Variants in PNCK observed in about 807,000 individuals in gnomAD.
PNCK encodes the protein calcium/calmodulin-dependent protein kinase type 1B.
In PNCK, 21 loss-of-function variants were observed where a neutral mutation model predicts 28.3. The ratio of observed to expected loss-of-function variants is 0.74; its 90% CI spans 0.53 to 1.07. The LOEUF (loss-of-function observed/expected upper bound fraction) is 1.07, where lower values mean the gene tolerates loss of function less well. Ranked by LOEUF, PNCK falls within the 50% of genes least tolerant of loss-of-function variation. PNCK has a pLI of 0.00. For synonymous variants in PNCK, 136 were observed against 125.2 expected, an observed-to-expected ratio of 1.09 and a Z score of -0.58; for missense variants, 250 against 298.3, an observed-to-expected ratio of 0.84 and a Z score of 1.19.
rs934422979 is a variant in PNCK, at chrX:153,671,980, C to A, written c.314G>T (p.Arg105Leu). ...GGELFDRIME[R>L]GSYTEKDASH... ...GGCATCCTTCTCTGTGTAGGAGCCG[C>A]GCTCCATGATGCGGTCAAACAGCTC... Residue 105 changes from arginine to leucine, a missense_variant, in exon 5 of 12, where the codon CGC (arginine) becomes CTC (leucine). Arg to Leu is a moderately radical substitution (Grantham distance 102, BLOSUM62 -2). Transcript: ENST00000340888. 4.1e-6 allele frequency: 5 copies of A among 1,211,058 alleles called. No individual in the cohort carries two copies. The highest frequency in any genetic ancestry group is 4.3e-5 in the Admixed American group (2 of 46,098).
At chrX:153,683,206 G>A (rs1259128276) in intron 1 of PNCK, among the ~76,000 whole-genome samples, 2 of 108,308 alleles carry the variant, frequency 1.8e-5, no homozygotes, top group Non-Finnish European at 3.8e-5. Context: ...AGTGGCATGA[G>A]CTAGGCTCAC....
chrX:153,670,950 C>G lies in PNCK; in HGVS notation c.774G>C (p.Arg258Ser). The change falls in exon 9 of 12, where the codon AGG (arginine) becomes AGC (serine). Residue 258 changes from arginine to serine, a missense_variant. By Grantham distance (110) the Arg-to-Ser change is moderately radical (BLOSUM62 -1). Transcript: ENST00000340888. The stretch of plus-strand genomic sequence containing the variant: ...GCCGCAAGGCCTGTTGGCAGGTGAA[C>G]CTCTTCTGGGGGTCTCGCTCCAGAA... ...RHLLERDPQK[R>S]FTCQQALRHL... The G allele has an allele frequency of 8.2e-7, 1 of 1,212,199 alleles. No individual in the cohort carries two copies. The highest frequency in any genetic ancestry group is 1.1e-6 in the Non-Finnish European group (1 of 895,579).
rs113803746 is a variant in PNCK, at chrX:153,680,934, T to A, written c.-3+6497A>T. On this transcript the variant is annotated intron_variant, in intron 1 of 3. Transcript: ENST00000419804. The stretch of plus-strand genomic sequence containing the variant: ...GTCCCAGCTACTTGGGGGGCTGAAG[T>A]GGGAGAATTGCTTTAGCCCAGGAGG... Among the ~76,000 whole-genome samples the A allele has an allele frequency of 3.7e-3, 360 of 98,260 alleles. 3 individuals carry two copies. Among genetic ancestry groups the A allele is most frequent in the African/African-American group, 0.013 (337 of 25,554 alleles). The allele number at this position is 98,260 out of a possible 115,157, so 85.3% of individuals were successfully genotyped here.
intron 1 of PNCK, among the ~76,000 whole-genome samples, chrX:153,681,229 G>A (rs1373349840): frequency 9.0e-6 from 1 of 111,616 alleles, no homozygotes; most frequent in Non-Finnish European, 1.9e-5. Flanking sequence ...CAACACTCCT[G>A]CACAGAACAA....
Position 153,672,033 on chromosome X carries a change from G to A in PNCK, c.276-15C>T, listed in dbSNP as rs182696830. 1,582 of 1,206,656 alleles carry A rather than the reference G, an allele frequency of 1.3e-3. 15 individuals carry two copies. The African/African-American group carries it at 0.024, about 19-fold the overall frequency. ...CACCCGTCACCCTGGGGGTGCCAGG[G>A]GTTTGGCTGACCCAGGCACTCAGCC... is the stretch of plus-strand genomic sequence containing the variant. On this transcript the variant is annotated splice_polypyrimidine_tract_variant and intron_variant, in intron 4 of 11. Transcript: ENST00000340888.
At chrX:153,672,838 C>T (rs1603203757) in intron 2 of PNCK, 141 bp from the exon 3 acceptor site, 1 of 924,910 alleles carries the variant, frequency 1.1e-6, no homozygotes, top group Non-Finnish European at 1.5e-6. Flanking sequence ...CCCACCACCA[C>T]TCACACATGC....
At position 153,669,754 on chromosome X, in the gene PNCK, G is replaced by T; in HGVS notation, c.*384C>A. ...CCCATTGCTGTATCTTTCTTTATTG[G>T]TTTGGGGAAAACTGGAGGGGGCTGG... is the stretch of plus-strand genomic sequence containing the variant. On this transcript the variant is annotated 3_prime_UTR_variant, in exon 12 of 12. Coordinates refer to ENST00000340888, the MANE Select transcript of PNCK (RefSeq NM_001366977.1). The T allele has an allele frequency of 2.9e-6, 1 of 342,683 alleles. No individual in the cohort carries two copies. Among genetic ancestry groups the T allele is most frequent in the East Asian group, 9.7e-5 (1 of 10,329 alleles). 28.2% of individuals were successfully genotyped at this position (342,683 alleles called of 1,213,427 possible).
At position 153,670,757 on chromosome X, in the gene PNCK, C is replaced by T. The variant is rs782789099; in HGVS notation, c.881G>A (p.Arg294Gln). The T allele has an allele frequency of 1.5e-5, 18 of 1,208,007 alleles. No individual in the cohort carries two copies. The East Asian group carries it at 3.0e-4, about 20-fold the overall frequency. Residue 294 changes from arginine (R) to glutamine (Q), a missense_variant, in exon 10 of 12, where the codon CGG becomes CAG. Transcript: ENST00000340888. ...VSEQIRKNFA[R>Q]THWKRAFNAT... ...CTCCACACTGACCTTCCAGTGTGTC[C>T]GAGCAAAGTTCTTCCGGATCTGCTC...
At chrX:153,671,731 G>A (rs2091303422) in intron 5 of PNCK, 59 bp from the exon 6 acceptor site, 1 of 1,165,556 alleles carries the variant, frequency 8.6e-7, no homozygotes, top group South Asian at 2.0e-5. Context: ...GCCGGTGCTG[G>A]GACAGGATGG....
chrX:153,673,137 A>G, intron 1 of PNCK, 59 bp from the exon 2 acceptor site: 2 of 1,172,999 alleles, frequency 1.7e-6, no homozygotes, highest in Non-Finnish European at 2.3e-6. Context: ...GGGCAAGGGC[A>G]GCTTCCTCCT....
intron 1 of PNCK, 113 bp from the exon 2 acceptor site, chrX:153,673,191 C>T (rs782198609): frequency 2.2e-5 from 26 of 1,179,550 alleles, no homozygotes; most frequent in Non-Finnish European, 3.0e-5. Context: ...GCTGCGCGCT[C>T]GACCCTCCCC....
At chrX:153,675,986 TC>T (rs2091363671), upstream of PNCK, among the ~76,000 whole-genome samples, 2 of 99,710 alleles carry the variant, frequency 2.0e-5, no homozygotes, top group African/African-American at 7.8e-5. Flanking sequence ...TTTTTTCTTT[TC>T]TTTTTTTTTT....
upstream of PNCK, among the ~76,000 whole-genome samples, chrX:153,679,730 C>G (rs782548924): frequency 1.8e-5 from 2 of 108,562 alleles, no homozygotes; most frequent in South Asian, 8.2e-4. Flanking sequence ...CGTCACCATG[C>G]CCAGCTAATT....
intron 1 of PNCK, among the ~76,000 whole-genome samples, chrX:153,682,833 A>T (rs1310233728): frequency 8.9e-6 from 1 of 112,419 alleles, no homozygotes; most frequent in African/African-American, 3.2e-5. Context: ...TCCTAACTCC[A>T]GCGCCTATCC....
chrX:153,673,863 C>T (rs1363581942), upstream of PNCK: 2 of 793,112 alleles, frequency 2.5e-6, no homozygotes, highest in African/African-American at 2.3e-5. Flanking sequence ...CCGCCCCCTC[C>T]GCGCACGCCC....
chrX:153,670,639 C>T (rs1557039379), intron 10 of PNCK, 45 bp from the exon 11 acceptor site: 3 of 1,196,883 alleles, frequency 2.5e-6, no homozygotes, highest in Non-Finnish European at 3.4e-6. Context: ...GCCCAGGCCC[C>T]AGCCCCTAGA....
At chrX:153,680,245 G>A (rs1212511990) in intron 1 of PNCK, among the ~76,000 whole-genome samples, 1 of 107,672 alleles carries the variant, frequency 9.3e-6, no homozygotes, top group East Asian at 2.9e-4. Flanking sequence ...CTAATGGTAC[G>A]TTTTTGGGTC....
rs2091289924 is a variant in PNCK at position 153,670,965 on chromosome X, T to C, written c.759A>G (p.Arg253=). ...GGCAGGTGAACCTCTTCTGGGGGTCTCGCTCCAGAAGGTGCCGGATGAAGT... is the reference window on the plus strand; with the variant it reads ...GGCAGGTGAACCTCTTCTGGGGGTCCCGCTCCAGAAGGTGCCGGATGAAGT... The part of the protein sequence containing the change: ...AKDFIRHLLE[R]DPQKRFTCQQ... Residue 253 remains arginine, a synonymous_variant, in exon 9 of 12, where the codon CGA becomes CGG. Coordinates refer to ENST00000340888, the MANE Select transcript of PNCK (RefSeq NM_001366977.1). The C allele has an allele frequency of 1.7e-6, 2 of 1,211,943 alleles. No individual in the cohort carries two copies. The highest frequency in any genetic ancestry group is 3.5e-5 in the African/African-American group (2 of 57,831).
At chrX:153,673,568 C>G in intron 1 of PNCK, 1 of 323,613 alleles carries the variant, frequency 3.1e-6, no homozygotes. Context: ...CCCACGCGGC[C>G]GCAGACGCAG....
Sources: allele counts gnomAD v4.1 joint callset (sites outside exome capture counted in the v4.1 genomes callset), GRCh38; gene constraint gnomAD v4.1.1; transcripts MANE v1.5; gene names NCBI Gene and HGNC (gene_info 2026-07-23, HGNC 2026-07-21).